CMIP: variants seen among roughly 807,000 people sequenced by gnomAD.
CMIP encodes the protein C-Maf-inducing protein.
A neutral mutation model predicts 97.3 loss-of-function variants in CMIP; 13 were observed. The ratio of observed to expected loss-of-function variants is 0.13; its 90% CI spans 0.09 to 0.21. The LOEUF (loss-of-function observed/expected upper bound fraction) is 0.21, where lower values mean the gene tolerates loss of function less well. Ranked by LOEUF, CMIP falls within the 10% of genes least tolerant of loss-of-function variation. The pLI is 1.00. For synonymous variants in CMIP, 538 were observed against 436.3 expected (o/e 1.23, Z -2.91); for missense variants, 847 against 1,024.9 (o/e 0.83, Z 2.37).
chr16:81,572,652 G>A (rs752168070), intron 1 of CMIP, among the ~76,000 whole-genome samples: 26 of 152,176 alleles, frequency 1.7e-4, no homozygotes, highest in African/African-American at 5.5e-4. Flanking sequence ...ATGGTCGAGC[G>A]GGGGTCTCAA....
In CMIP at chr16:81,645,751, A is replaced by C. The variant is rs2092357605; in HGVS notation, c.478-6452A>C. ...GATGTGGGGAGCCCTCCTGAGTTCT[A>C]CCTCCCTGGACTACTCCTTTACAGA... On this transcript the variant is annotated intron_variant, in intron 3 of 20. Transcript: ENST00000537098. 1.2e-5 allele frequency: 9 copies of C among 780,186 alleles called. No homozygotes were observed. In the South Asian group the frequency reaches 1.2e-4, roughly 11 times the overall value. The allele number at this position is 780,186 out of a possible 1,614,324, so 48.3% of individuals were successfully genotyped here.
Position 81,538,831 on chromosome 16 carries a change from T to C in CMIP, c.301-68736T>C, listed in dbSNP as rs537633901. Among the ~76,000 whole-genome samples, 406 of 152,328 alleles carry C rather than the reference T, an allele frequency of 2.7e-3. 2 individuals are homozygous for C. The highest frequency in any genetic ancestry group is 9.2e-3 in the African/African-American group (384 of 41,576). ...ATAATATGATTATCAGGTTTTTTTTTCACAGGCAAGTTGATTCTAAGGTCA... is the reference window on the plus strand; with the variant it reads ...ATAATATGATTATCAGGTTTTTTTTCCACAGGCAAGTTGATTCTAAGGTCA... On this transcript the variant is annotated intron_variant, in intron 1 of 20. Coordinates refer to ENST00000537098, the MANE Select transcript of CMIP (RefSeq NM_198390.3).
At chr16:81,625,312 C>G (rs959257529) in intron 3 of CMIP, among the ~76,000 whole-genome samples, 2 of 152,264 alleles carry the variant, frequency 1.3e-5, no homozygotes, top group African/African-American at 4.8e-5. Flanking sequence ...GAGGCCAGCC[C>G]TGTTTGGTTT....
At chr16:81,675,494 C>T (rs534724305) in intron 9 of CMIP, among the ~76,000 whole-genome samples, 2 of 151,788 alleles carry the variant, frequency 1.3e-5, no homozygotes, top group African/African-American at 2.4e-5. Flanking sequence ...GCTGGGATTA[C>T]AGGGGTGAGC....
At chr16:81,540,967 A>G (rs1597530283) in intron 1 of CMIP, among the ~76,000 whole-genome samples, 1 of 147,946 alleles carries the variant, frequency 6.8e-6, no homozygotes, top group Non-Finnish European at 1.5e-5. Context: ...GGTGTGAGCC[A>G]CTGCACCCGG....
At chr16:81,491,856 A>C (rs987958359) in intron 1 of CMIP, among the ~76,000 whole-genome samples, 1 of 152,178 alleles carries the variant, frequency 6.6e-6, no homozygotes, top group Non-Finnish European at 1.5e-5. Context: ...CACAGTGAAC[A>C]TGCTGGTTTC....
intron 17 of CMIP, among the ~76,000 whole-genome samples, chr16:81,703,312 C>G (rs1174525484): frequency 6.6e-6 from 1 of 152,050 alleles, no homozygotes; most frequent in Non-Finnish European, 1.5e-5. Flanking sequence ...CGCTGACACT[C>G]AAGGATGGAG....
intron 10 of CMIP, among the ~76,000 whole-genome samples, chr16:81,690,245 C>A (rs1010213197): frequency 4.6e-5 from 7 of 152,138 alleles, no homozygotes; most frequent in African/African-American, 1.7e-4. Flanking sequence ...TTACCTTGGG[C>A]AGTATGGCCA....
intron 1 of CMIP, among the ~76,000 whole-genome samples, chr16:81,560,555 T>C (rs1243519578): frequency 6.6e-6 from 1 of 152,276 alleles, no homozygotes; most frequent in African/African-American, 2.4e-5. Context: ...GTAGCCTAAG[T>C]GTACAGTGTT....
At chr16:81,562,885 G>C (rs531765376) in intron 1 of CMIP, among the ~76,000 whole-genome samples, 2 of 152,208 alleles carry the variant, frequency 1.3e-5, no homozygotes, top group Non-Finnish European at 2.9e-5. Context: ...TTGAACTCAG[G>C]GCTTTTGGAA....
intron 2 of CMIP, among the ~76,000 whole-genome samples, chr16:81,609,444 T>G (rs967563283): frequency 3.3e-5 from 5 of 152,200 alleles, no homozygotes; most frequent in Non-Finnish European, 7.3e-5. Context: ...AGCCAGAGAT[T>G]GTCCTACCCC....
intron 1 of CMIP, among the ~76,000 whole-genome samples, chr16:81,452,454 C>T (rs191502074): frequency 3.6e-4 from 55 of 152,214 alleles, no homozygotes; most frequent in African/African-American, 7.7e-4. Flanking sequence ...CCTCGTGGAG[C>T]CTGTGTTGGT....
chr16:81,571,045 CAA>C (rs1451178999), intron 1 of CMIP, among the ~76,000 whole-genome samples: 1 of 152,212 alleles, frequency 6.6e-6, no homozygotes, highest in Non-Finnish European at 1.5e-5. Flanking sequence ...TTAGTTGTAA[CAA>C]ATTCACCACA....
intron 1 of CMIP, among the ~76,000 whole-genome samples, chr16:81,578,279 A>G (rs1011447800): frequency 6.6e-6 from 1 of 152,228 alleles, no homozygotes; most frequent in Non-Finnish European, 1.5e-5. Context: ...CATCACCACT[A>G]TCACCATCGT....
intron 1 of CMIP, among the ~76,000 whole-genome samples, chr16:81,508,492 C>T (rs559760395): frequency 1.3e-5 from 2 of 152,328 alleles, no homozygotes; most frequent in South Asian, 4.1e-4. Context: ...CTCCATAGCT[C>T]TATTTGGTCA....
At chr16:81,681,278 G>A (rs1904849608) in intron 10 of CMIP, among the ~76,000 whole-genome samples, 1 of 152,238 alleles carries the variant, frequency 6.6e-6, no homozygotes, top group African/African-American at 2.4e-5. Context: ...TGCTTAAGTT[G>A]CTGGCTCATT....
At chr16:81,476,212 G>T (rs1907906709) in intron 1 of CMIP, 1 of 1,362,138 alleles carries the variant, frequency 7.3e-7, no homozygotes, top group African/African-American at 1.4e-5. Context: ...GTTGGGTCCA[G>T]CATTTGCCAT....
intron 1 of CMIP, among the ~76,000 whole-genome samples, chr16:81,455,968 T>C (rs1906520276): frequency 2.0e-5 from 3 of 152,200 alleles, no homozygotes; most frequent in Admixed American, 2.0e-4. Flanking sequence ...GCCTCTTGTC[T>C]GCAGTGGGGG....
chr16:81,642,943 G>A (rs1016799219), intron 3 of CMIP, among the ~76,000 whole-genome samples: 1 of 152,202 alleles, frequency 6.6e-6, no homozygotes, highest in Non-Finnish European at 1.5e-5. Context: ...GCAGTGGACT[G>A]TTAGTCATGG....
Sources: gnomAD v4.1 joint callset for allele counts (sites outside exome capture counted in the v4.1 genomes callset) on GRCh38, gnomAD v4.1.1 for gene constraint, MANE v1.5 for transcripts, NCBI Gene and HGNC (gene_info 2026-07-23, HGNC 2026-07-21) for gene names.